Variants in OPCML observed in about 807,000 individuals in gnomAD.
OPCML encodes opioid-binding protein/cell adhesion molecule.
In OPCML, 13 loss-of-function variants were observed where a neutral mutation model predicts 37.8. The ratio of observed to expected loss-of-function variants is 0.34; its 90% CI spans 0.22 to 0.55. The LOEUF (loss-of-function observed/expected upper bound fraction) is 0.55, where lower values mean the gene tolerates loss of function less well. Ranked by LOEUF, OPCML falls within the 20% of genes least tolerant of loss-of-function variation. OPCML has a pLI of 0.91. For missense variants in OPCML, 341 were observed against 435.6 expected, an observed-to-expected ratio of 0.78 and a Z score of 1.93; for synonymous variants, 176 against 168.8, an observed-to-expected ratio of 1.04 and a Z score of -0.33.
chr11:133,379,054 C>A (rs4382919), intron 1 of OPCML, among the ~76,000 whole-genome samples: 55,241 of 152,010 alleles, frequency 0.36, 11,751 homozygotes, highest in East Asian at 0.64. Context: ...ACCACATTGG[C>A]CACTATATGC....
At chr11:132,936,892 G>C (rs1175921737) in intron 2 of OPCML, among the ~76,000 whole-genome samples, 1 of 151,942 alleles carries the variant, frequency 6.6e-6, no homozygotes, top group Non-Finnish European at 1.5e-5. Flanking sequence ...CTTCATTCAG[G>C]GCAAACAATA....
At chr11:132,750,332 T>G (rs1025312742) in intron 2 of OPCML, among the ~76,000 whole-genome samples, 1 of 152,208 alleles carries the variant, frequency 6.6e-6, no homozygotes, top group Non-Finnish European at 1.5e-5. Flanking sequence ...GTATGTCTGC[T>G]GATAGAAATA....
At chr11:132,769,829 G>A (rs374485296) in intron 2 of OPCML, among the ~76,000 whole-genome samples, 6 of 152,282 alleles carry the variant, frequency 3.9e-5, no homozygotes, top group Non-Finnish European at 8.8e-5. Context: ...TACAGTGAAA[G>A]AAAGTGAGTG....
intron 4 of OPCML, among the ~76,000 whole-genome samples, chr11:132,483,323 G>C (rs1242996800): frequency 7.6e-4 from 115 of 151,524 alleles, no homozygotes; most frequent in East Asian, 1.2e-3. Context: ...ACAATTGCTT[G>C]AAAGAGAATA....
intron 1 of OPCML, among the ~76,000 whole-genome samples, chr11:132,959,419 A>G (rs1228784510): frequency 6.6e-6 from 1 of 152,264 alleles, no homozygotes; most frequent in Non-Finnish European, 1.5e-5. Context: ...AGAATATCCC[A>G]TGAACTTAGC....
rs56718161 is a variant in OPCML, at chr11:132,591,845, T to C, written c.380-62659A>G. Among the ~76,000 whole-genome samples the C allele has an allele frequency of 1.9e-3, 295 of 152,354 alleles. 2 individuals carry two copies. In the East Asian group the frequency reaches 0.03, roughly 16 times the overall value. On this transcript the variant is annotated intron_variant, in intron 3 of 7. Coordinates refer to ENST00000524381, the MANE Select transcript of OPCML (RefSeq NM_001012393.5). ...TTTCACTAGAGACATTTATGTGTTC[T>C]TGTGTGTATAAAGATAGGAAGAAAG... is the stretch of plus-strand genomic sequence containing the variant.
At chr11:133,108,455 T>A (rs1029865249) in intron 1 of OPCML, among the ~76,000 whole-genome samples, 1 of 152,184 alleles carries the variant, frequency 6.6e-6, no homozygotes, top group Non-Finnish European at 1.5e-5. Context: ...CAATCCATCA[T>A]ACATCAAGGA....
chr11:132,581,393 AG>A (rs2096461737), intron 3 of OPCML, among the ~76,000 whole-genome samples: 1 of 152,244 alleles, frequency 6.6e-6, no homozygotes, highest in Non-Finnish European at 1.5e-5. Flanking sequence ...TATAGGTGTC[AG>A]GCTAACTGCT....
chr11:133,182,481 G>A (rs566977), intron 1 of OPCML, among the ~76,000 whole-genome samples: 103,973 of 152,096 alleles, frequency 0.68, 37,315 homozygotes, highest in African/African-American at 0.88. Flanking sequence ...AGGATAACAT[G>A]ACAGGAAAAA....
chr11:132,569,056 A>AGG (rs2096431145), intron 3 of OPCML, among the ~76,000 whole-genome samples: 2 of 152,236 alleles, frequency 1.3e-5, no homozygotes. Flanking sequence ...GGCATGGGGC[A>AGG]GGCAGCGGGG....
chr11:133,418,910 C>T (rs747667722), intron 1 of OPCML, among the ~76,000 whole-genome samples: 5 of 152,196 alleles, frequency 3.3e-5, no homozygotes, highest in East Asian at 1.9e-4. Flanking sequence ...GACCAGCTGA[C>T]TCCACCTGGA....
intron 2 of OPCML, among the ~76,000 whole-genome samples, chr11:132,854,451 G>A (rs1941964601): frequency 6.6e-6 from 1 of 152,162 alleles, no homozygotes; most frequent in South Asian, 2.1e-4. Flanking sequence ...CTCCAGGTTG[G>A]AGGTTGGGAG....
intron 1 of OPCML, chr11:133,421,133 CTATT>C: frequency 1.0e-6 from 1 of 985,366 alleles, no homozygotes; most frequent in Non-Finnish European, 1.2e-6. Context: ...CAAGCTAACT[CTATT>C]TAACTCTGTT....
intron 2 of OPCML, among the ~76,000 whole-genome samples, chr11:132,908,555 C>T (rs770743650): frequency 2.0e-5 from 3 of 152,214 alleles, no homozygotes; most frequent in Non-Finnish European, 4.4e-5. Context: ...GATACTTCCA[C>T]AGGCACTCCC....
At chr11:132,832,706 T>G (rs1940766486) in intron 2 of OPCML, among the ~76,000 whole-genome samples, 1 of 152,310 alleles carries the variant, frequency 6.6e-6, no homozygotes, top group Admixed American at 6.5e-5. Flanking sequence ...ATACATTAGA[T>G]TCCATCTTTT....
intron 1 of OPCML, among the ~76,000 whole-genome samples, chr11:133,417,753 C>G (rs748450062): frequency 6.6e-6 from 1 of 151,496 alleles, no homozygotes; most frequent in East Asian, 1.9e-4. Context: ...CTAGGAAATT[C>G]GGGAGGAGAC....
At chr11:133,526,989 G>A (rs1948504377) in intron 1 of OPCML, among the ~76,000 whole-genome samples, 1 of 152,198 alleles carries the variant, frequency 6.6e-6, no homozygotes, top group Admixed American at 6.5e-5. Context: ...CCATCTGGGG[G>A]CTGACACTTG....
At chr11:133,077,291 C>A (rs996599717) in intron 1 of OPCML, among the ~76,000 whole-genome samples, 4 of 151,876 alleles carry the variant, frequency 2.6e-5, no homozygotes, top group African/African-American at 7.3e-5. Context: ...TGGAGCTCAT[C>A]ACACGGAGTC....
chr11:132,626,140 C>T (rs1939726152), intron 3 of OPCML, among the ~76,000 whole-genome samples: 3 of 151,304 alleles, frequency 2.0e-5, no homozygotes, highest in African/African-American at 7.3e-5. Context: ...ATCTCAGGCA[C>T]TATACTAGAT....
Sources: allele counts gnomAD v4.1 joint callset (sites outside exome capture counted in the v4.1 genomes callset), GRCh38; gene constraint gnomAD v4.1.1; transcripts MANE v1.5; gene names NCBI Gene and HGNC (gene_info 2026-07-23, HGNC 2026-07-21).